The following EYS variants were observed in gnomAD, a reference collection of about 807,000 sequenced individuals.
EYS encodes the protein EGF-like photoreceptor maintenance factor.
EYS carries 250 observed loss-of-function variants against 282.1 expected under a neutral mutation model. The observed-to-expected ratio is 0.89, with a 90% CI of 0.80 to 0.98. EYS has a LOEUF of 0.98. EYS is among the 50% of genes least tolerant of loss of function. The pLI is 0.00. For synonymous variants in EYS, 1,355 were observed against 1,282.9 expected (o/e 1.06, Z -1.20); for missense variants, 4,016 against 3,709.0 (o/e 1.08, Z -2.15).
At chr6:65,350,587 T>G (rs748294062) in intron 9 of EYS, among the ~76,000 whole-genome samples, 3 of 151,734 alleles carry the variant, frequency 2.0e-5, no homozygotes, top group Non-Finnish European at 3.0e-5. Flanking sequence ...AGAATTTCTC[T>G]TATTTTCTTT....
chr6:63,766,672 A>G (rs987614052), intron 40 of EYS, among the ~76,000 whole-genome samples: 2 of 152,012 alleles, frequency 1.3e-5, no homozygotes, highest in Non-Finnish European at 2.9e-5. Flanking sequence ...CTATTATGTT[A>G]TAAGAAGGGT....
intron 2 of EYS, among the ~76,000 whole-genome samples, chr6:65,620,724 A>G (rs1766443996): frequency 6.6e-6 from 1 of 150,996 alleles, no homozygotes; most frequent in Admixed American, 6.6e-5. Flanking sequence ...ACTGCTTTGA[A>G]TGCGTCCCAG....
At chr6:64,665,834 CATTCTA>C (rs1769211068) in intron 22 of EYS, among the ~76,000 whole-genome samples, 1 of 152,126 alleles carries the variant, frequency 6.6e-6, no homozygotes, top group Non-Finnish European at 1.5e-5. Flanking sequence ...TTTGTCACTC[CATTCTA>C]AAGAGAATGC....
chr6:64,437,954 CTGT>C (rs1774808854), intron 27 of EYS, among the ~76,000 whole-genome samples: 1 of 151,552 alleles, frequency 6.6e-6, no homozygotes. Flanking sequence ...AGCCCAAATG[CTGT>C]TATTATGTTT....
intron 41 of EYS, among the ~76,000 whole-genome samples, chr6:63,730,891 C>T (rs977528528): frequency 2.0e-5 from 3 of 152,000 alleles, no homozygotes; most frequent in Admixed American, 1.3e-4. Context: ...CATGGTGGTG[C>T]GCACCTGTAG....
chr6:65,189,200 T>A (rs1271426450), intron 12 of EYS, among the ~76,000 whole-genome samples: 1 of 151,814 alleles, frequency 6.6e-6, no homozygotes, highest in African/African-American at 2.4e-5. Context: ...AATAATGTAT[T>A]ATATGTATTA....
At chr6:63,965,630 A>G (rs1023169186) in intron 35 of EYS, among the ~76,000 whole-genome samples, 2 of 152,172 alleles carry the variant, frequency 1.3e-5, no homozygotes, top group Non-Finnish European at 1.5e-5. Flanking sequence ...TTCTATTTCA[A>G]TTCTAACTTG....
chr6:65,439,667 TA>T (rs1181893789), intron 5 of EYS, among the ~76,000 whole-genome samples: 2 of 152,158 alleles, frequency 1.3e-5, no homozygotes, highest in Non-Finnish European at 2.9e-5. Context: ...TATTGGTGTA[TA>T]AGAATGCTTA....
chr6:64,497,051 C>T (rs1377258813), intron 26 of EYS, among the ~76,000 whole-genome samples: 5 of 152,004 alleles, frequency 3.3e-5, no homozygotes, highest in Non-Finnish European at 7.4e-5. Context: ...TGCCTCAAAT[C>T]CCAGTTTAAT....
chr6:65,355,440 G>A (rs936350084), intron 8 of EYS, among the ~76,000 whole-genome samples: 5 of 152,058 alleles, frequency 3.3e-5, no homozygotes, highest in Admixed American at 3.3e-4. Context: ...AGATCTCAAA[G>A]TACAAGCAAC....
chr6:64,580,115 C>T (rs1477486231), intron 26 of EYS, among the ~76,000 whole-genome samples: 4 of 152,058 alleles, frequency 2.6e-5, no homozygotes, highest in Non-Finnish European at 5.9e-5. Flanking sequence ...CATAGCTAAG[C>T]CTTCTTAACC....
intron 31 of EYS, among the ~76,000 whole-genome samples, chr6:64,126,344 C>G (rs1582307801): frequency 6.6e-6 from 1 of 151,466 alleles, no homozygotes; most frequent in South Asian, 2.1e-4. Context: ...GAAAATGTGG[C>G]ACATATACAC....
chr6:63,806,219 A>T lies in EYS; in HGVS notation c.7382T>A (p.Leu2461Ter). 6.4e-7 allele frequency: 1 copy of T among 1,551,460 alleles called. No individual in the cohort carries two copies. Residue 2461 changes from leucine (L) to a stop codon, truncating the protein, a stop_gained, in exon 37 of 43, where the codon TTG becomes TAG. Coordinates refer to ENST00000503581, the MANE Select transcript of EYS (RefSeq NM_001142800.2). LOFTEE classifies it high-confidence loss of function. ...ANNHSALQNN[L>*]IFFTGQKGHG... ...GCCTTTCTGTCCAGTAAAAAATATC[A>T]AGTTATTTTGCAGTGCTGAGTGGTT...
intron 19 of EYS, among the ~76,000 whole-genome samples, chr6:64,859,950 T>C (rs1390868005): frequency 6.6e-6 from 1 of 152,236 alleles, no homozygotes; most frequent in Non-Finnish European, 1.5e-5. Flanking sequence ...ATCTCTTCTA[T>C]CATTCACTTT....
intron 5 of EYS, 49 bp downstream of exon 5, chr6:65,490,545 A>T: frequency 1.0e-6 from 1 of 990,588 alleles, no homozygotes; most frequent in Non-Finnish European, 1.6e-6. Flanking sequence ...ATACATAGAT[A>T]AAATTAAAGT....
chr6:64,668,845 G>T (rs1222754740), intron 22 of EYS, among the ~76,000 whole-genome samples: 3 of 151,994 alleles, frequency 2.0e-5, no homozygotes, highest in Non-Finnish European at 4.4e-5. Context: ...GGTATTACAG[G>T]TGTGAGCCAC....
rs1448366723 is a variant in EYS, at chr6:64,726,677, T to C, written c.3443+86701A>G. On this transcript the variant is annotated intron_variant, in intron 22 of 42. Transcript: ENST00000503581. ...AGTCTTTTTGTAGAATTCAATTCTA[T>C]AACCCTATTCAATGGAGTTAATGAT... 1.6e-4 allele frequency among the ~76,000 whole-genome samples: 25 copies of C among 152,164 alleles called. 1 individual carries two copies. Among genetic ancestry groups the C allele is most frequent in the Admixed American group, 1.6e-3 (25 of 15,284 alleles).
chr6:64,484,571 G>C (rs1203141204), intron 26 of EYS, among the ~76,000 whole-genome samples: 1 of 151,578 alleles, frequency 6.6e-6, no homozygotes, highest in East Asian at 1.9e-4. Context: ...TATGATATAG[G>C]AAAAGGATGG....
At chr6:64,656,879 G>A (rs1418115313) in intron 22 of EYS, among the ~76,000 whole-genome samples, 1 of 152,174 alleles carries the variant, frequency 6.6e-6, no homozygotes, top group Non-Finnish European at 1.5e-5. Context: ...ATGGTAGGAT[G>A]AGAGGAGTAG....
Sources: allele counts gnomAD v4.1 joint callset (sites outside exome capture counted in the v4.1 genomes callset), GRCh38; gene constraint gnomAD v4.1.1; transcripts MANE v1.5; gene names NCBI Gene and HGNC (gene_info 2026-07-23, HGNC 2026-07-21).